The following KIAA0319 variants were observed in gnomAD, a reference collection of about 807,000 sequenced individuals.
The protein encoded by KIAA0319 is dyslexia-associated protein KIAA0319.
KIAA0319 carries 83 observed loss-of-function variants against 108.4 expected under a neutral mutation model. That is an observed-to-expected ratio of 0.77 (90% CI 0.64 to 0.92). KIAA0319 has a LOEUF of 0.92. KIAA0319 is among the 40% of genes least tolerant of loss of function. KIAA0319 has a pLI of 0.00. For synonymous variants in KIAA0319, 484 were observed against 510.4 expected (o/e 0.95, Z 0.70); for missense variants, 1,195 against 1,322.4 (o/e 0.90, Z 1.49).
chr6:24,619,174 T>C (rs1282009857), intron 1 of KIAA0319, among the ~76,000 whole-genome samples: 4 of 152,156 alleles, frequency 2.6e-5, no homozygotes, highest in African/African-American at 9.7e-5. Flanking sequence ...GTATGAAGGA[T>C]CTTTGGCTTT....
At chr6:24,600,102 T>C (rs769394802) in intron 2 of KIAA0319, among the ~76,000 whole-genome samples, 6 of 151,426 alleles carry the variant, frequency 4.0e-5, no homozygotes, top group Non-Finnish European at 7.4e-5. Context: ...CAGGAATTGA[T>C]ATTTTGAATT....
chr6:24,548,795 T>A (rs1307047515), intron 20 of KIAA0319, among the ~76,000 whole-genome samples: 1 of 152,052 alleles, frequency 6.6e-6, no homozygotes, highest in Non-Finnish European at 1.5e-5. Flanking sequence ...AAGTAAACCA[T>A]GAAGTTTGGA....
intron 3 of KIAA0319, among the ~76,000 whole-genome samples, chr6:24,594,841 A>T (rs765853968): frequency 1.3e-5 from 2 of 151,828 alleles, no homozygotes; most frequent in Non-Finnish European, 2.9e-5. Context: ...TTCCACCTAT[A>T]CTCAGCTTCC....
intron 1 of KIAA0319, among the ~76,000 whole-genome samples, chr6:24,622,478 C>A (rs1774111974): frequency 6.6e-6 from 1 of 151,826 alleles, no homozygotes; most frequent in South Asian, 2.1e-4. Context: ...CTCCATAAAA[C>A]AAAAATAGGC....
At chr6:24,628,023 A>C (rs975651660) in intron 1 of KIAA0319, among the ~76,000 whole-genome samples, 2 of 152,238 alleles carry the variant, frequency 1.3e-5, no homozygotes, top group African/African-American at 4.8e-5. Flanking sequence ...GAAAAGTTAG[A>C]CATTATTCAT....
intron 1 of KIAA0319, among the ~76,000 whole-genome samples, chr6:24,607,430 C>T (rs1186284934): frequency 6.6e-6 from 1 of 150,942 alleles, no homozygotes; most frequent in Non-Finnish European, 1.5e-5. Context: ...ATTTGTTTTT[C>T]GGTTTTTTTT....
intron 1 of KIAA0319, among the ~76,000 whole-genome samples, chr6:24,614,871 G>A (rs990741105): frequency 1.3e-5 from 2 of 152,096 alleles, no homozygotes; most frequent in African/African-American, 4.8e-5. Context: ...ACCTCACTAT[G>A]TCATCATCAC....
chr6:24,609,420 T>C (rs2127550297), intron 1 of KIAA0319, among the ~76,000 whole-genome samples: 1 of 150,540 alleles, frequency 6.6e-6, no homozygotes. Context: ...GTACTAAAAA[T>C]ACAAAAATTA....
chr6:24,641,204 G>T (rs566241572), intron 1 of KIAA0319, among the ~76,000 whole-genome samples: 1 of 152,148 alleles, frequency 6.6e-6, no homozygotes, highest in Non-Finnish European at 1.5e-5. Flanking sequence ...TGCCTTCAAG[G>T]TTCATCCATG....
chr6:24,576,572 T>C lies in KIAA0319; in HGVS notation c.1530A>G (p.Gly510=). 6.2e-7 allele frequency: 1 copy of C among 1,614,038 alleles called. No homozygotes were observed. Among genetic ancestry groups the C allele is most frequent in the Non-Finnish European group, 8.5e-7 (1 of 1,179,958 alleles). ...GGGCTGCAGTTGTAGAGTTAGTGGC[T>C]CCGTCCGAGTCTGTAACAGTCAACC... The part of the protein sequence containing the change: ...SFRLTVTDSD[G]ATNSTTAALI... The change falls in exon 10 of 21, where the codon GGA becomes GGG. Residue 510 remains glycine (G), a synonymous_variant. Transcript: ENST00000378214.
At chr6:24,618,434 T>A (rs959093064) in intron 1 of KIAA0319, among the ~76,000 whole-genome samples, 5 of 151,786 alleles carry the variant, frequency 3.3e-5, no homozygotes, top group Non-Finnish European at 5.9e-5. Flanking sequence ...CATAGTGAGA[T>A]GTCATCTCTA....
intron 6 of KIAA0319, among the ~76,000 whole-genome samples, chr6:24,581,773 C>G (rs1332632839): frequency 1.3e-5 from 2 of 152,196 alleles, no homozygotes; most frequent in African/African-American, 4.8e-5. Flanking sequence ...CCATCCAAAG[C>G]CTCTTAACCA....
At chr6:24,612,890 C>T (rs1424703872) in intron 1 of KIAA0319, among the ~76,000 whole-genome samples, 6 of 152,074 alleles carry the variant, frequency 3.9e-5, no homozygotes, top group South Asian at 4.1e-4. Context: ...GCTCCGCCTC[C>T]CCGGTTCACG....
Position 24,545,636 on chromosome 6 carries a change from C to A in KIAA0319, c.*1529G>T, listed in dbSNP as rs952052542. 2.0e-5 allele frequency: 3 copies of A among 152,116 alleles called. No homozygotes were observed. The highest frequency in any genetic ancestry group is 4.8e-5 in the African/African-American group (2 of 41,424). 9.4% of individuals were successfully genotyped at this position (152,116 alleles called of 1,614,324 possible). ...AGCAATTATTTTAAAAATAAAATGACACACTTTTTAGTTCTGCCTTTCCCC... is the reference window on the plus strand; with the variant it reads ...AGCAATTATTTTAAAAATAAAATGAAACACTTTTTAGTTCTGCCTTTCCCC... On this transcript the variant is annotated 3_prime_UTR_variant, in exon 21 of 21. Transcript: ENST00000378214.
intron 1 of KIAA0319, among the ~76,000 whole-genome samples, chr6:24,615,133 A>G (rs1238888560): frequency 2.0e-5 from 3 of 152,252 alleles, no homozygotes; most frequent in Non-Finnish European, 4.4e-5. Context: ...TTTACATTAT[A>G]CAGCTTTTTT....
At chr6:24,609,000 G>A (rs1197678649) in intron 1 of KIAA0319, among the ~76,000 whole-genome samples, 1 of 139,858 alleles carries the variant, frequency 7.2e-6, no homozygotes, top group East Asian at 2.3e-4. Flanking sequence ...AGGGGCTCAC[G>A]CCTGTGAGCC....
In KIAA0319 at chr6:24,559,001, T is replaced by C. The variant is rs373419134; in HGVS notation, c.2734+12A>G. The C allele has an allele frequency of 3.0e-5, 48 of 1,605,214 alleles. No individual in the cohort carries two copies. The highest frequency in any genetic ancestry group is 5.6e-5 in the South Asian group (5 of 89,290). On this transcript the variant is annotated intron_variant, in intron 17 of 20. Coordinates refer to ENST00000378214, the MANE Select transcript of KIAA0319 (RefSeq NM_014809.4). ...AGTCTGATTGTTTTAGAATATTCCA[T>C]AGGAGACCTACCTGCTGTATCAACC...
At chr6:24,620,968 CAG>C (rs1387904934) in intron 1 of KIAA0319, among the ~76,000 whole-genome samples, 3 of 152,132 alleles carry the variant, frequency 2.0e-5, no homozygotes, top group Admixed American at 6.5e-5. Flanking sequence ...AAATAAGAAA[CAG>C]AAACTATGTG....
Position 24,564,163 on chromosome 6 carries a change from CA to C in KIAA0319, c.2431+38del, listed in dbSNP as rs1392745994. 2.5e-6 allele frequency: 4 copies of C among 1,613,066 alleles called. No homozygotes were observed. In the Admixed American group the frequency reaches 6.7e-5, roughly 27 times the overall value. Reference sequence around the variant, plus strand: ...GTAAAGACCCCAAAGGCTGACCAGCCAGAGCCTGCATGGCCAGCTCCAGAGC... The same window carrying C: ...GTAAAGACCCCAAAGGCTGACCAGCCGAGCCTGCATGGCCAGCTCCAGAGC... On this transcript the variant is annotated intron_variant, in intron 15 of 20. Transcript: ENST00000378214.
Sources: allele counts gnomAD v4.1 joint callset (sites outside exome capture counted in the v4.1 genomes callset), GRCh38; gene constraint gnomAD v4.1.1; transcripts MANE v1.5; gene names NCBI Gene and HGNC (gene_info 2026-07-23, HGNC 2026-07-21).